RYR3: variants seen among roughly 807,000 people sequenced by gnomAD.
The protein encoded by RYR3 is brain ryanodine receptor-calcium release channel.
RYR3 carries 207 observed loss-of-function variants against 584.3 expected under a neutral mutation model. That is an observed-to-expected ratio of 0.35 (90% confidence interval 0.32 to 0.40). The LOEUF (loss-of-function observed/expected upper bound fraction) is 0.40, where lower values mean the gene tolerates loss of function less well. Ranked by LOEUF, RYR3 falls within the 10% of genes least tolerant of loss-of-function variation. RYR3 has a pLI of 1.00. For missense variants in RYR3, 5,616 were observed against 6,089.2 expected (o/e 0.92, Z 2.59); for synonymous variants, 2,416 against 2,248.5 (o/e 1.07, Z -2.11).
At chr15:33,551,971 C>T (rs1009484518) in intron 10 of RYR3, among the ~76,000 whole-genome samples, 3 of 152,132 alleles carry the variant, frequency 2.0e-5, no homozygotes, top group Admixed American at 6.5e-5. Flanking sequence ...TAAGAAATGA[C>T]TCATCGTGGC....
intron 1 of RYR3, among the ~76,000 whole-genome samples, chr15:33,379,681 C>CTA (rs1200090160): frequency 1.9e-4 from 22 of 118,688 alleles, no homozygotes; most frequent in South Asian, 4.9e-4. Context: ...CTCTCTCTCT[C>CTA]TCTCTCTATA....
At chr15:33,614,210 A>G (rs1054571686) in intron 19 of RYR3, among the ~76,000 whole-genome samples, 12 of 152,312 alleles carry the variant, frequency 7.9e-5, no homozygotes, top group Admixed American at 7.2e-4. Context: ...CATTTATTCT[A>G]CGGCTTGTGA....
At chr15:33,622,773 GGTT>G (rs1351991210) in intron 19 of RYR3, among the ~76,000 whole-genome samples, 1 of 152,192 alleles carries the variant, frequency 6.6e-6, no homozygotes, top group African/African-American at 2.4e-5. Context: ...ATGGAAAACT[GGTT>G]GTATTTCCTC....
At chr15:33,670,044 CATTTGAAAT>C (rs1348699467) in intron 37 of RYR3, among the ~76,000 whole-genome samples, 1 of 152,096 alleles carries the variant, frequency 6.6e-6, no homozygotes, top group African/African-American at 2.4e-5. Context: ...ACAAGCTTTT[CATTTGAAAT>C]AACTCATTGT....
Position 33,837,802 on chromosome 15 carries a change from A to T in RYR3, c.11822A>T (p.Lys3941Ile), listed in dbSNP as rs1402723940. Residue 3941 changes from lysine (K) to isoleucine (I), a missense_variant, in exon 89 of 104, where the codon AAA becomes ATA. Transcript: ENST00000634891. ...CCAGATGGTAAAGGAATTATCTCCA[A>T]AAAAGAATTCCAGAAGGCCATGGAA... is the stretch of plus-strand genomic sequence containing the variant. ...YDPDGKGIIS[K>I]KEFQKAMEGQ... 1 of 1,614,024 alleles carries T rather than the reference A, an allele frequency of 6.2e-7. No homozygotes were observed. The highest frequency in any genetic ancestry group is 8.5e-7 in the Non-Finnish European group (1 of 1,179,886).
intron 70 of RYR3, among the ~76,000 whole-genome samples, chr15:33,808,861 A>G (rs1337997287): frequency 1.3e-5 from 2 of 152,084 alleles, no homozygotes; most frequent in Admixed American, 1.3e-4. Context: ...CTGCTGTCCA[A>G]GGGCTGACTG....
intron 37 of RYR3, among the ~76,000 whole-genome samples, chr15:33,669,935 C>T (rs1231488641): frequency 6.8e-6 from 1 of 145,988 alleles, no homozygotes; most frequent in East Asian, 2.1e-4. Context: ...GGCTTCTCAG[C>T]CAGCAATCTC....
chr15:33,379,549 T>A (rs557670994), intron 1 of RYR3, among the ~76,000 whole-genome samples: 1 of 152,100 alleles, frequency 6.6e-6, no homozygotes. Context: ...TGGAAGCAAA[T>A]AATGGAATTA....
intron 43 of RYR3, among the ~76,000 whole-genome samples, chr15:33,721,168 A>G (rs564596893): frequency 1.3e-5 from 2 of 152,330 alleles, no homozygotes; most frequent in South Asian, 4.1e-4. Context: ...CAGCTGCCAC[A>G]TCATGAGAAC....
At chr15:33,464,851 A>G (rs1042466262) in intron 1 of RYR3, among the ~76,000 whole-genome samples, 10 of 152,098 alleles carry the variant, frequency 6.6e-5, no homozygotes, top group African/African-American at 1.7e-4. Context: ...CTTACCTTGT[A>G]TAACTGAAAC....
At chr15:33,795,138 G>A (rs2075518099) in intron 67 of RYR3, among the ~76,000 whole-genome samples, 1 of 152,036 alleles carries the variant, frequency 6.6e-6, no homozygotes, top group South Asian at 2.1e-4. Flanking sequence ...CTCTTCCCTG[G>A]TTTTTCTCAT....
chr15:33,454,919 G>C (rs181560457), intron 1 of RYR3, among the ~76,000 whole-genome samples: 2 of 152,278 alleles, frequency 1.3e-5, no homozygotes, highest in Non-Finnish European at 2.9e-5. Flanking sequence ...AAACCTGAAC[G>C]TTATTGGCAA....
intron 103 of RYR3, 109 bp from the exon 104 acceptor site, chr15:33,865,022 A>G (rs1890002718): frequency 2.7e-6 from 2 of 753,384 alleles, no homozygotes; most frequent in Non-Finnish European, 4.5e-6. Context: ...TTGGCCTCAT[A>G]TAAATTCACA....
chr15:33,414,032 A>C (rs2043604053), intron 1 of RYR3, among the ~76,000 whole-genome samples: 1 of 152,236 alleles, frequency 6.6e-6, no homozygotes, highest in African/African-American at 2.4e-5. Flanking sequence ...TATACTAATA[A>C]AACATTAAAA....
At chr15:33,579,756 C>T (rs1049264196) in intron 12 of RYR3, among the ~76,000 whole-genome samples, 2 of 152,118 alleles carry the variant, frequency 1.3e-5, no homozygotes, top group Non-Finnish European at 2.9e-5. Context: ...GGAGTCACTT[C>T]CCTTTGTTTA....
At position 33,387,782 on chromosome 15, in the gene RYR3, C is replaced by T. The variant is rs1019495878; in HGVS notation, c.51+76686C>T. On this transcript the variant is annotated intron_variant, in intron 1 of 103. Coordinates refer to ENST00000634891, the MANE Select transcript of RYR3 (RefSeq NM_001036.6). ...CTAAAAAAAGGAACAAAGAACAAAA[C>T]GTTTAATGTATAACTGTATAATGTT... Among the ~76,000 whole-genome samples, 6 of 151,596 alleles carry T rather than the reference C, an allele frequency of 4.0e-5. No homozygotes were observed. In the East Asian group the frequency reaches 7.7e-4, roughly 20 times the overall value.
intron 19 of RYR3, among the ~76,000 whole-genome samples, chr15:33,615,649 G>A (rs4324093): frequency 0.19 from 29,436 of 152,040 alleles, 3,237 homozygotes; most frequent in African/African-American, 0.29. Flanking sequence ...GGAATCTTAC[G>A]CTATCTGCAG....
rs1403448620 is a variant in RYR3 at position 33,577,501 on chromosome 15, AAAAC to A, written c.1269-2472_1269-2469del. Among the ~76,000 whole-genome samples, 3 of 152,232 alleles carry A rather than the reference AAAAC, an allele frequency of 2.0e-5. No individual in the cohort carries two copies. The East Asian group carries it at 5.8e-4, about 29-fold the overall frequency. Reference sequence around the variant, plus strand: ...CATCTGATCTTTGACAAACCTGACAAAAACAAGCAATGGGGAAGTGATTCCCTAT... The same window carrying A: ...CATCTGATCTTTGACAAACCTGACAAAAGCAATGGGGAAGTGATTCCCTAT... On this transcript the variant is annotated intron_variant, in intron 12 of 103. Transcript: ENST00000634891.
rs996271723 is a variant in RYR3 at position 33,658,657 on chromosome 15, C to G, written c.4309-1063C>G. The stretch of plus-strand genomic sequence containing the variant: ...GGTTTCAGTTGGTGGAATTAAAGTC[C>G]CAGTGTGTGAGCAGACTTTATGTAG... On this transcript the variant is annotated intron_variant, in intron 32 of 103. Transcript: ENST00000634891. Among the ~76,000 whole-genome samples, 4 of 152,222 alleles carry G rather than the reference C, an allele frequency of 2.6e-5. No individual in the cohort carries two copies. In the South Asian group the frequency reaches 8.3e-4, roughly 32 times the overall value.
Sources: allele counts gnomAD v4.1 joint callset (sites outside exome capture counted in the v4.1 genomes callset), GRCh38; gene constraint gnomAD v4.1.1; transcripts MANE v1.5; gene names NCBI Gene and HGNC (gene_info 2026-07-23, HGNC 2026-07-21).